The following ZFHX4 variants were observed in gnomAD, a reference collection of about 807,000 sequenced individuals.
The protein encoded by ZFHX4 is zinc finger homeobox protein 4.
A neutral mutation model predicts 267.6 loss-of-function variants in ZFHX4; 56 were observed. The observed-to-expected ratio is 0.21, with a 90% CI of 0.17 to 0.26. The LOEUF (loss-of-function observed/expected upper bound fraction) is 0.26. Ranked by LOEUF, ZFHX4 falls within the 10% of genes least tolerant of loss-of-function variation. ZFHX4 has a pLI of 1.00. For missense variants in ZFHX4, 4,332 were observed against 4,420.0 expected, an observed-to-expected ratio of 0.98 and a Z score of 0.56; for synonymous variants, 1,778 against 1,665.6, an observed-to-expected ratio of 1.07 and a Z score of -1.64.
At chr8:76,832,980 G>A (rs1811975230) in intron 4 of ZFHX4, among the ~76,000 whole-genome samples, 1 of 152,034 alleles carries the variant, frequency 6.6e-6, no homozygotes. Context: ...GTAAAAGTAT[G>A]CTCATAATTT....
chr8:76,738,946 C>T (rs996012940), intron 3 of ZFHX4, among the ~76,000 whole-genome samples: 10 of 152,000 alleles, frequency 6.6e-5, no homozygotes, highest in Non-Finnish European at 1.2e-4. Context: ...AACTCCTGGG[C>T]TCAAGCGATT....
Position 76,866,015 on chromosome 8 carries a change from G to A in ZFHX4, c.*1450G>A, listed in dbSNP as rs534096928. 52 of 152,640 alleles carry A rather than the reference G, an allele frequency of 3.4e-4. No homozygotes were observed. The highest frequency in any genetic ancestry group is 1.2e-3 in the African/African-American group (51 of 41,542). The allele number at this position is 152,640 out of a possible 1,614,324, so 9.5% of individuals were successfully genotyped here. ...ATTGATTTATAAATTGCTATGCTTT[G>A]CTGTTTTTCTGTTGCTGTGGAACTT... On this transcript the variant is annotated 3_prime_UTR_variant, in exon 11 of 11. Transcript: ENST00000651372.
chr8:76,788,154 A>G (rs1810741880), intron 4 of ZFHX4, among the ~76,000 whole-genome samples: 1 of 152,208 alleles, frequency 6.6e-6, no homozygotes, highest in African/African-American at 2.4e-5. Context: ...ATAGTAACAT[A>G]GTTGTCTCCA....
chr8:76,684,116 G>A (rs58203959), intron 1 of ZFHX4, among the ~76,000 whole-genome samples: 4,088 of 151,860 alleles, frequency 0.027, 210 homozygotes, highest in East Asian at 0.24. Context: ...TGCTGAAAAG[G>A]GTGGTTTAAA....
intron 4 of ZFHX4, among the ~76,000 whole-genome samples, chr8:76,779,709 C>T (rs1197203897): frequency 6.6e-6 from 1 of 152,134 alleles, no homozygotes; most frequent in South Asian, 2.1e-4. Context: ...TTTTTTCCCC[C>T]TCTTATTATT....
intron 3 of ZFHX4, among the ~76,000 whole-genome samples, chr8:76,726,384 T>G (rs1808853747): frequency 6.6e-6 from 1 of 152,150 alleles, no homozygotes; most frequent in South Asian, 2.1e-4. Context: ...TGATACCCTT[T>G]TGTCAGACAT....
chr8:76,838,821 T>C (rs114736830), intron 5 of ZFHX4, among the ~76,000 whole-genome samples: 2,418 of 152,092 alleles, frequency 0.016, 73 homozygotes, highest in African/African-American at 0.055. Flanking sequence ...TTTGAAAGGC[T>C]GAGTTGGCGG....
At chr8:76,749,378 C>T (rs1289043176) in intron 3 of ZFHX4, among the ~76,000 whole-genome samples, 1 of 152,150 alleles carries the variant, frequency 6.6e-6, no homozygotes, top group Non-Finnish European at 1.5e-5. Context: ...CATGCAGGAC[C>T]AAGTAACTTG....
chr8:76,686,090 T>C (rs1807685605), intron 1 of ZFHX4, among the ~76,000 whole-genome samples: 1 of 152,194 alleles, frequency 6.6e-6, no homozygotes. Flanking sequence ...TATCATTTGG[T>C]GGTGTTTTAT....
intron 1 of ZFHX4, among the ~76,000 whole-genome samples, chr8:76,691,331 T>C (rs1359958374): frequency 6.6e-6 from 1 of 152,078 alleles, no homozygotes; most frequent in Admixed American, 6.5e-5. Flanking sequence ...CTATGATTCA[T>C]AAAAATACTG....
intron 3 of ZFHX4, among the ~76,000 whole-genome samples, chr8:76,712,589 T>C (rs1016632167): frequency 6.6e-6 from 1 of 152,162 alleles, no homozygotes; most frequent in Non-Finnish European, 1.5e-5. Context: ...GTGGTACACA[T>C]TTACATAAAA....
intron 1 of ZFHX4, among the ~76,000 whole-genome samples, chr8:76,698,593 T>TGA (rs58455255): frequency 0.34 from 50,958 of 151,638 alleles, 12,440 homozygotes; most frequent in African/African-American, 0.69. Flanking sequence ...AAGAAAAGAA[T>TGA]GAGAGGGAGA....
Position 76,844,835 on chromosome 8 carries a change from C to G in ZFHX4, c.3511+2064C>G, listed in dbSNP as rs534774961. On this transcript the variant is annotated intron_variant, in intron 6 of 10. Coordinates refer to ENST00000651372, the MANE Select transcript of ZFHX4 (RefSeq NM_024721.5). The stretch of plus-strand genomic sequence containing the variant: ...AAACCTTCTAGCCTTCAAGACAGCT[C>G]TTGTGATTGACAACTAACATGAACA... Among the ~76,000 whole-genome samples the G allele has an allele frequency of 2.0e-5, 3 of 152,216 alleles. No individual in the cohort carries two copies. The East Asian group carries it at 5.8e-4, about 29-fold the overall frequency.
chr8:76,719,005 A>G (rs779727518), intron 3 of ZFHX4, among the ~76,000 whole-genome samples: 85 of 151,714 alleles, frequency 5.6e-4, no homozygotes, highest in Non-Finnish European at 8.4e-4. Context: ...AATTCTTTCA[A>G]TGAATGTAGA....
chr8:76,852,998 A>C lies in ZFHX4; in HGVS notation c.6077A>C (p.Lys2026Thr), dbSNP rs1812583274. The C allele has an allele frequency of 3.2e-6, 5 of 1,540,150 alleles. No individual in the cohort carries two copies. The highest frequency in any genetic ancestry group is 4.4e-6 in the Non-Finnish European group (5 of 1,137,632). ...CAGCCTTCTTCTATGGGTCCTGTAAAGATCCCCAACACGGTTTCTACTCCT... is the reference window on the plus strand; with the variant it reads ...CAGCCTTCTTCTATGGGTCCTGTAACGATCCCCAACACGGTTTCTACTCCT... The part of the protein sequence containing the change: ...PPQPSSMGPV[K>T]IPNTVSTPLQ... The change falls in exon 10 of 11, where the codon AAG becomes ACG. Residue 2026 changes from lysine (K) to threonine (T), a missense_variant. Around this residue, in one of 7 missense-constraint regions of ZFHX4, gnomAD observed 1,371 missense variants for 1,423.1 expected, o/e 0.96. Transcript: ENST00000651372.
intron 3 of ZFHX4, among the ~76,000 whole-genome samples, chr8:76,725,283 G>A (rs149279603): frequency 2.4e-3 from 364 of 152,094 alleles, no homozygotes; most frequent in African/African-American, 8.2e-3. Context: ...AAAAGTTATC[G>A]TATTTAACTA....
At chr8:76,695,271 A>G (rs1468669711) in intron 1 of ZFHX4, among the ~76,000 whole-genome samples, 1 of 152,218 alleles carries the variant, frequency 6.6e-6, no homozygotes, top group Admixed American at 6.5e-5. Context: ...AACTGAAGTC[A>G]TAGGTTTGAA....
Position 76,697,441 on chromosome 8 carries a change from C to T in ZFHX4, c.-46-6602C>T, listed in dbSNP as rs563612138. On this transcript the variant is annotated intron_variant, in intron 1 of 10. Transcript: ENST00000651372. ...TGATAACTTAAAAGGTTATCAACTACGCACTCTTAGATATGCATATGCCAG... is the reference window on the plus strand; with the variant it reads ...TGATAACTTAAAAGGTTATCAACTATGCACTCTTAGATATGCATATGCCAG... Among the ~76,000 whole-genome samples, 9 of 152,032 alleles carry T rather than the reference C, an allele frequency of 5.9e-5. No homozygotes were observed. The East Asian group carries it at 9.7e-4, about 16-fold the overall frequency.
Position 76,853,914 on chromosome 8 carries a change from G to GA in ZFHX4, c.6998dup (p.Gln2334AlafsTer6), listed in dbSNP as rs1353599144. 6.2e-7 allele frequency: 1 copy of GA among 1,613,918 alleles called. No homozygotes were observed. Among genetic ancestry groups the GA allele is most frequent in the Admixed American group, 1.7e-5 (1 of 60,016 alleles). On this transcript the variant is annotated frameshift_variant, in exon 10 of 11. Coordinates refer to ENST00000651372, the MANE Select transcript of ZFHX4 (RefSeq NM_024721.5). LOFTEE classifies it high-confidence loss of function. ...GGATCTTTGACTTGATTACGCATCAGAAAAAGCAGTGTTACAAGGATGAAG... is the reference window on the plus strand; with the variant it reads ...GGATCTTTGACTTGATTACGCATCAGAAAAAAGCAGTGTTACAAGGATGAAG...
Sources: gnomAD v4.1 joint callset for allele counts (sites outside exome capture counted in the v4.1 genomes callset) on GRCh38, gnomAD v4.1.1 for gene constraint, gnomAD v4.1.1 regional missense constraint, MANE v1.5 for transcripts, NCBI Gene and HGNC (gene_info 2026-07-23, HGNC 2026-07-21) for gene names.